The following NAAA variants were observed in gnomAD, a reference collection of about 807,000 sequenced individuals.
The protein encoded by NAAA is N-acylethanolamine acid amidase.
A neutral mutation model predicts 44.8 loss-of-function variants in NAAA; 39 were observed. The observed-to-expected ratio is 0.87, with a 90% CI of 0.67 to 1.14. The LOEUF (loss-of-function observed/expected upper bound fraction) is 1.14, where lower values mean the gene tolerates loss of function less well. Ranked by LOEUF, NAAA falls within the 50% of genes most tolerant of loss-of-function variation. The probability of loss-of-function intolerance (pLI) is 0.00; values close to 1 mark genes in which losing one functional copy is unlikely to be tolerated. For synonymous variants in NAAA, 178 were observed against 191.3 expected (o/e 0.93, Z 0.58); for missense variants, 460 against 467.8 (o/e 0.98, Z 0.15).
chr4:75,928,641 T>C (rs1726948241), intron 4 of NAAA, among the ~76,000 whole-genome samples: 1 of 151,574 alleles, frequency 6.6e-6, no homozygotes, highest in Non-Finnish European at 1.5e-5. Context: ...GGCTGGATGC[T>C]CCAGTCTAGG....
intron 2 of NAAA, among the ~76,000 whole-genome samples, chr4:75,939,514 C>T (rs2149293124): frequency 6.6e-6 from 1 of 150,592 alleles, no homozygotes; most frequent in South Asian, 2.1e-4. Context: ...CTCCCGGGTT[C>T]AAGTGATTCT....
In NAAA at chr4:75,920,748, C is replaced by T. The variant is rs756517888; in HGVS notation, c.892G>A (p.Asp298Asn). Residue 298 changes from aspartate (D) to asparagine (N), a missense_variant, in exon 7 of 11, where the codon GAT becomes AAT. Coordinates refer to ENST00000286733, the MANE Select transcript of NAAA (RefSeq NM_014435.4). ...CACGTAGCAGCCTACCTCCGGTCAT[C>T]TTCCTTGGGTGCTGGCTTCCAGTGG... ...YDHWKPAPKE[D>N]DRRTSAIKAL... 1 of 1,614,250 alleles carries T rather than the reference C, an allele frequency of 6.2e-7. No homozygotes were observed. Among genetic ancestry groups the T allele is most frequent in the South Asian group, 1.1e-5 (1 of 91,090 alleles).
chr4:75,930,569 G>A (rs1174647290), intron 4 of NAAA: 2 of 483,522 alleles, frequency 4.1e-6, no homozygotes, highest in African/African-American at 3.9e-5. Context: ...ATATCCCCTA[G>A]ATTATCACAG....
At chr4:75,915,544 A>C (rs1010585626) in intron 9 of NAAA, among the ~76,000 whole-genome samples, 1 of 152,134 alleles carries the variant, frequency 6.6e-6, no homozygotes, top group Non-Finnish European at 1.5e-5. Context: ...ATGCACCACC[A>C]TCAGGAGAAT....
chr4:75,933,521 G>A (rs1473628920), intron 3 of NAAA, among the ~76,000 whole-genome samples: 3 of 152,036 alleles, frequency 2.0e-5, no homozygotes, highest in South Asian at 2.1e-4. Context: ...CACCGTGATC[G>A]TCAGGGTCAC....
Position 75,914,855 on chromosome 4 carries a change from A to G in NAAA, c.*36+13T>C. The G allele has an allele frequency of 6.3e-7, 1 of 1,599,348 alleles. No individual in the cohort carries two copies. Among genetic ancestry groups the G allele is most frequent in the Non-Finnish European group, 8.6e-7 (1 of 1,167,024 alleles). On this transcript the variant is annotated intron_variant, in intron 10 of 10. Coordinates refer to ENST00000286733, the MANE Select transcript of NAAA (RefSeq NM_014435.4). Reference sequence around the variant, plus strand: ...CCACCTCACCCCCTCTCCACAAAACAGTAACAACAAACCTTTCACAGCACG... The same window carrying G: ...CCACCTCACCCCCTCTCCACAAAACGGTAACAACAAACCTTTCACAGCACG...
At chr4:75,916,778 CTTTTTT>C (rs35739236) in intron 9 of NAAA, among the ~76,000 whole-genome samples, 3 of 76,936 alleles carry the variant, frequency 3.9e-5, no homozygotes, top group African/African-American at 9.5e-5. Context: ...TTCATCACTT[CTTTTTT>C]TTTTTTTTTT....
At position 75,914,204 on chromosome 4, in the gene NAAA, C is replaced by T; in HGVS notation, c.*171G>A. The T allele has an allele frequency of 1.0e-6, 1 of 985,784 alleles. No homozygotes were observed. Among genetic ancestry groups the T allele is most frequent in the Non-Finnish European group, 1.2e-6 (1 of 829,936 alleles). 61.1% of individuals were successfully genotyped at this position (985,784 alleles called of 1,614,324 possible). A position where few individuals can be genotyped will look rare whatever the true frequency, so the allele number is the denominator to read the frequency against. ...TGGCTTTACCACAAACTCCAAATCT[C>T]CTGGACCCACTTCGCAAGGTTGTAA... On this transcript the variant is annotated 3_prime_UTR_variant, in exon 11 of 11. Transcript: ENST00000286733.
chr4:75,914,089 T>C lies in NAAA; in HGVS notation c.*286A>G, dbSNP rs887702058. 1 of 985,434 alleles carries C rather than the reference T, an allele frequency of 1.0e-6. No homozygotes were observed. Among genetic ancestry groups the C allele is most frequent in the Non-Finnish European group, 1.2e-6 (1 of 829,940 alleles). The allele number at this position is 985,434 out of a possible 1,614,324, so 61.0% of individuals were successfully genotyped here. On this transcript the variant is annotated 3_prime_UTR_variant, in exon 11 of 11. Transcript: ENST00000286733. Reference sequence around the variant, plus strand: ...GATATGGCTTGATCTCTGAGACCAATTATCTTTGAGTTATTCAGGCCAGGA... The same window carrying C: ...GATATGGCTTGATCTCTGAGACCAACTATCTTTGAGTTATTCAGGCCAGGA...
chr4:75,931,794 T>C (rs1224785844), intron 3 of NAAA, among the ~76,000 whole-genome samples: 1 of 152,214 alleles, frequency 6.6e-6, no homozygotes, highest in Non-Finnish European at 1.5e-5. Flanking sequence ...AACATTGAAA[T>C]GGCTGTTTTC....
In NAAA at chr4:75,931,104, C is replaced by T. The variant is rs1005412026; in HGVS notation, c.589+110G>A. The T allele has an allele frequency of 1.7e-5, 13 of 782,432 alleles. No homozygotes were observed. In the South Asian group the frequency reaches 2.5e-4, roughly 15 times the overall value. The allele number at this position is 782,432 out of a possible 1,614,324, so 48.5% of individuals were successfully genotyped here. A position where few individuals can be genotyped will look rare whatever the true frequency, so the allele number is the denominator to read the frequency against. On this transcript the variant is annotated intron_variant, in intron 4 of 10. Coordinates refer to ENST00000286733, the MANE Select transcript of NAAA (RefSeq NM_014435.4). ...ACTTTCTCCCCCTAGGATGGAAGTC[C>T]CTGCCACATAGTGGGTGTTCTGTAT...
intron 6 of NAAA, 48 bp from the exon 7 acceptor site, chr4:75,920,848 T>C (rs761919105): frequency 1.3e-5 from 21 of 1,613,750 alleles, no homozygotes; most frequent in African/African-American, 8.0e-5. Context: ...ATTTACGACA[T>C]AGCAGAGGAG....
At position 75,928,362 on chromosome 4, in the gene NAAA, C is replaced by T. The variant is rs2149267996; in HGVS notation, c.590-2551G>A. ...TCAGGCAGTACAGGTGTGATGGGGG[C>T]TAGCTCAGCAGTGGAGGTAGAATGG... On this transcript the variant is annotated intron_variant, in intron 4 of 10. Coordinates refer to ENST00000286733, the MANE Select transcript of NAAA (RefSeq NM_014435.4). 2.0e-5 allele frequency among the ~76,000 whole-genome samples: 3 copies of T among 152,260 alleles called. No individual in the cohort carries two copies. The Middle Eastern group carries it at 0.01, about 518-fold the overall frequency.
intron 3 of NAAA, chr4:75,935,158 G>C (rs1727597715): frequency 6.6e-6 from 1 of 152,212 alleles, no homozygotes; most frequent in Non-Finnish European, 1.5e-5. Flanking sequence ...AAATGGGACT[G>C]GAAAGGAGAA....
At chr4:75,929,944 G>C (rs1727080722) in intron 4 of NAAA, among the ~76,000 whole-genome samples, 1 of 151,980 alleles carries the variant, frequency 6.6e-6, no homozygotes. Context: ...ACAAAAATTA[G>C]CCGGGTGTGG....
intron 4 of NAAA, among the ~76,000 whole-genome samples, chr4:75,928,840 T>C: frequency 6.6e-6 from 1 of 151,216 alleles, no homozygotes; most frequent in East Asian, 1.9e-4. Context: ...CATGCTGGAG[T>C]GCAGTGGCGC....
intron 10 of NAAA, 31 bp from the exon 11 acceptor site, chr4:75,914,369 C>G (rs1725468312): frequency 2.3e-6 from 2 of 883,510 alleles, no homozygotes; most frequent in East Asian, 2.4e-4. Flanking sequence ...GCATTTAATT[C>G]AAAGACTGAT....
At chr4:75,915,990 A>G (rs1458127134) in intron 9 of NAAA, among the ~76,000 whole-genome samples, 1 of 152,236 alleles carries the variant, frequency 6.6e-6, no homozygotes, top group Non-Finnish European at 1.5e-5. Context: ...ACACCCAGTT[A>G]AAGACAGCAC....
chr4:75,931,736 T>G (rs545205835), intron 3 of NAAA, among the ~76,000 whole-genome samples: 1 of 152,358 alleles, frequency 6.6e-6, no homozygotes, highest in Non-Finnish European at 1.5e-5. Flanking sequence ...ATGGTAGTTA[T>G]TAGACCCCCT....
Sources: gnomAD v4.1 joint callset for allele counts (sites outside exome capture counted in the v4.1 genomes callset) on GRCh38, gnomAD v4.1.1 for gene constraint, MANE v1.5 for transcripts, NCBI Gene and HGNC (gene_info 2026-07-23, HGNC 2026-07-21) for gene names.